Variants in COL10A1 observed in about 807,000 individuals in gnomAD.
The protein encoded by COL10A1 is collagen alpha-1(X) chain.
A neutral mutation model predicts 18.2 loss-of-function variants in COL10A1; 10 were observed. The observed-to-expected ratio is 0.55, with a 90% CI of 0.34 to 0.93. The LOEUF (loss-of-function observed/expected upper bound fraction) is 0.93, where lower values mean the gene tolerates loss of function less well. Ranked by LOEUF, COL10A1 falls within the 40% of genes least tolerant of loss-of-function variation. COL10A1 has a pLI of 0.02. For synonymous variants in COL10A1, 330 were observed against 316.6 expected, an observed-to-expected ratio of 1.04 and a Z score of -0.45; for missense variants, 897 against 853.5, an observed-to-expected ratio of 1.05 and a Z score of -0.64.
chr6:116,153,964 A>G (rs1225727331), intron 1 of COL10A1, among the ~76,000 whole-genome samples: 1 of 151,924 alleles, frequency 6.6e-6, no homozygotes, highest in African/African-American at 2.4e-5. Flanking sequence ...TATGTATTGC[A>G]TTTGGAAAAT....
At position 116,119,692 on chromosome 6, in the gene COL10A1, G is replaced by C. The variant is rs1309294777; in HGVS notation, c.*381C>G. ...GTTAGAAACAGGCTTTTTTAAAAAG[G>C]AAATGCCGAGTTTCTCAAATCAAAT... On this transcript the variant is annotated 3_prime_UTR_variant, in exon 3 of 3. Coordinates refer to ENST00000651968, the MANE Select transcript of COL10A1 (RefSeq NM_000493.4). 1 of 179,836 alleles carries C rather than the reference G, an allele frequency of 5.6e-6. No homozygotes were observed. Among genetic ancestry groups the C allele is most frequent in the East Asian group, 1.5e-4 (1 of 6,654 alleles). 11.1% of individuals were successfully genotyped at this position (179,836 alleles called of 1,614,324 possible). A position where few individuals can be genotyped will look rare whatever the true frequency, so the allele number is the denominator to read the frequency against.
At chr6:116,177,147 A>C in the COL10A1 span, among the ~76,000 whole-genome samples, 1 of 152,228 alleles carries the variant, frequency 6.6e-6, no homozygotes, top group African/African-American at 2.4e-5. Flanking sequence ...GCATACGACT[A>C]TAAAAATTAA....
At chr6:116,185,977 G>A in the COL10A1 span, among the ~76,000 whole-genome samples, 4 of 151,950 alleles carry the variant, frequency 2.6e-5, no homozygotes, top group African/African-American at 9.7e-5. Context: ...TGAGATTTAT[G>A]CTTTAAGGAG....
At chr6:116,196,362 C>G in the COL10A1 span, among the ~76,000 whole-genome samples, 1 of 151,998 alleles carries the variant, frequency 6.6e-6, no homozygotes, top group Non-Finnish European at 1.5e-5. Context: ...AAAATATACA[C>G]AATGGGAAAG....
At chr6:116,171,949 G>C in the COL10A1 span, among the ~76,000 whole-genome samples, 1 of 152,162 alleles carries the variant, frequency 6.6e-6, no homozygotes, top group Non-Finnish European at 1.5e-5. Context: ...TTAGTGGATA[G>C]GATTTTATTG....
At chr6:116,161,230 T>C (rs377039968), upstream of COL10A1, among the ~76,000 whole-genome samples, 163 of 148,624 alleles carry the variant, frequency 1.1e-3, no homozygotes, top group African/African-American at 3.0e-3. Context: ...TTGGGAGATA[T>C]ACCTAATGCT....
At chr6:116,190,637 A>G in the COL10A1 span, among the ~76,000 whole-genome samples, 6 of 152,112 alleles carry the variant, frequency 3.9e-5, no homozygotes, top group East Asian at 1.2e-3. Flanking sequence ...CTTTTACACA[A>G]CTCTGCTTTA....
the COL10A1 span, among the ~76,000 whole-genome samples, chr6:116,204,558 C>T: frequency 6.6e-6 from 1 of 151,876 alleles, no homozygotes; most frequent in Non-Finnish European, 1.5e-5. Context: ...AAAGCAAACT[C>T]AGTGTAAATA....
chr6:116,146,151 G>A (rs1017353367), intron 1 of COL10A1, among the ~76,000 whole-genome samples: 2 of 152,244 alleles, frequency 1.3e-5, no homozygotes, highest in African/African-American at 2.4e-5. Flanking sequence ...GCTTTGTGTG[G>A]TGGGTGTGGT....
the COL10A1 span, among the ~76,000 whole-genome samples, chr6:116,208,339 C>T: frequency 7.2e-5 from 11 of 151,992 alleles, no homozygotes; most frequent in African/African-American, 2.7e-4. Flanking sequence ...GGGCTGACTT[C>T]TGTTGAAAAC....
intron 1 of COL10A1, among the ~76,000 whole-genome samples, chr6:116,146,098 T>A (rs1001304286): frequency 1.3e-5 from 2 of 152,224 alleles, no homozygotes; most frequent in Admixed American, 6.5e-5. Context: ...GCCTGACTTG[T>A]TGATTATGGT....
chr6:116,215,894 A>G, the COL10A1 span, among the ~76,000 whole-genome samples: 1 of 152,184 alleles, frequency 6.6e-6, no homozygotes, highest in Admixed American at 6.5e-5. Context: ...GACTGTATTC[A>G]GCACAGAGTC....
the COL10A1 span, among the ~76,000 whole-genome samples, chr6:116,200,559 T>C: frequency 6.6e-6 from 1 of 152,046 alleles, no homozygotes; most frequent in African/African-American, 2.4e-5. Flanking sequence ...AAAATTTTAT[T>C]TTAAAAAGCA....
chr6:116,166,309 T>A, the COL10A1 span, among the ~76,000 whole-genome samples: 1 of 152,170 alleles, frequency 6.6e-6, no homozygotes, highest in African/African-American at 2.4e-5. Flanking sequence ...TGAGGATAAC[T>A]GACATCCAAA....
intron 1 of COL10A1, among the ~76,000 whole-genome samples, chr6:116,155,094 G>A (rs749940474): frequency 3.3e-5 from 5 of 152,104 alleles, no homozygotes; most frequent in Non-Finnish European, 7.4e-5. Flanking sequence ...AAGTAATTGC[G>A]GTTTTTGCCA....
chr6:116,207,849 C>T, the COL10A1 span, among the ~76,000 whole-genome samples: 32 of 151,892 alleles, frequency 2.1e-4, no homozygotes, highest in Non-Finnish European at 3.4e-4. Flanking sequence ...TGCCTCATTA[C>T]TGATCATTAT....
At chr6:116,194,607 G>A in the COL10A1 span, among the ~76,000 whole-genome samples, 345 of 152,100 alleles carry the variant, frequency 2.3e-3, 1 homozygote, top group African/African-American at 8.1e-3. Flanking sequence ...CTGTGAGGGA[G>A]GGGTAAGAAT....
the COL10A1 span, among the ~76,000 whole-genome samples, chr6:116,170,639 C>G: frequency 6.6e-6 from 1 of 152,174 alleles, no homozygotes; most frequent in African/African-American, 2.4e-5. Context: ...CTATTAAGAA[C>G]TGTTTGTGGA....
chr6:116,190,687 C>G, the COL10A1 span, among the ~76,000 whole-genome samples: 2 of 152,048 alleles, frequency 1.3e-5, no homozygotes, highest in East Asian at 3.9e-4. Flanking sequence ...GACTTCAGAC[C>G]TGCAAAGCTG....
Sources: allele counts gnomAD v4.1 joint callset (sites outside exome capture counted in the v4.1 genomes callset), GRCh38; gene constraint gnomAD v4.1.1; transcripts MANE v1.5; gene names NCBI Gene and HGNC (gene_info 2026-07-23, HGNC 2026-07-21).